Variants in NRAP observed in about 807,000 individuals in gnomAD.
The protein encoded by NRAP is nebulin-related-anchoring protein.
A neutral mutation model predicts 225.9 loss-of-function variants in NRAP; 189 were observed. That is an observed-to-expected ratio of 0.84 (90% CI 0.74 to 0.94). The LOEUF is 0.94. NRAP is among the 40% of genes least tolerant of loss of function. The pLI, the probability that NRAP is intolerant of heterozygous loss-of-function variation, is 0.00. For synonymous variants in NRAP, 769 were observed against 790.7 expected (o/e 0.97, Z 0.46); for missense variants, 2,176 against 2,168.7 (o/e 1.00, Z -0.07).
intron 18 of NRAP, among the ~76,000 whole-genome samples, chr10:113,630,894 T>C (rs925699400): frequency 6.6e-6 from 1 of 152,218 alleles, no homozygotes; most frequent in African/African-American, 2.4e-5. Flanking sequence ...TGTGTCTTTT[T>C]CCCTATTCAG....
At chr10:113,632,246 G>T (rs187090893) in intron 16 of NRAP, among the ~76,000 whole-genome samples, 1 of 152,156 alleles carries the variant, frequency 6.6e-6, no homozygotes, top group South Asian at 2.1e-4. Flanking sequence ...ACCTCTTGGG[G>T]CCTCAATCTC....
intron 9 of NRAP, 44 bp from the exon 10 acceptor site, chr10:113,647,071 C>CAT: frequency 8.0e-7 from 1 of 1,249,746 alleles, no homozygotes; most frequent in Non-Finnish European, 1.2e-6. Context: ...GCTTCCCTCC[C>CAT]CAGATGGGTG....
chr10:113,641,438 C>G lies in NRAP; in HGVS notation c.1250G>C (p.Arg417Thr). Residue 417 changes from arginine (R) to threonine (T), a missense_variant, in exon 13 of 42, where the codon AGA becomes ACA. Coordinates refer to ENST00000359988, the MANE Select transcript of NRAP (RefSeq NM_198060.4). ...CATACCAACTCCTTCATAGCGGCCT[C>G]TCATGTGGTTCTGGTAGTTTTCTTT... ...KYKENYQNHM[R>T]GRYEGVGMDR... 1 of 1,613,776 alleles carries G rather than the reference C, an allele frequency of 6.2e-7. No individual in the cohort carries two copies. Among genetic ancestry groups the G allele is most frequent in the Non-Finnish European group, 8.5e-7 (1 of 1,179,710 alleles).
At chr10:113,612,188 T>C (rs1463842008) in intron 30 of NRAP, 46 bp downstream of exon 30, 2 of 1,515,332 alleles carry the variant, frequency 1.3e-6, no homozygotes, top group Admixed American at 1.7e-5. Context: ...CACCCTGAGG[T>C]CCTAAGAGAA....
chr10:113,630,360 GATGATGGTGATGATGGCAGCA>G lies in NRAP; in HGVS notation c.1843-596_1843-576del, dbSNP rs555321642. On this transcript the variant is annotated intron_variant, in intron 18 of 41. Transcript: ENST00000359988. Reference sequence around the variant, plus strand: ...TGATAGTGGTGGTGGTGATGGTAGTGATGATGGTGATGATGGCAGCAATGATGGTGATTGATGATGGTGATG... The same window carrying G: ...TGATAGTGGTGGTGGTGATGGTAGTGATGATGGTGATTGATGATGGTGATG... Among the ~76,000 whole-genome samples the G allele has an allele frequency of 1.5e-4, 23 of 152,328 alleles. No homozygotes were observed. The East Asian group carries it at 1.9e-3, about 13-fold the overall frequency.
At chr10:113,646,184 A>G (rs1849496182) in intron 10 of NRAP, among the ~76,000 whole-genome samples, 1 of 151,838 alleles carries the variant, frequency 6.6e-6, no homozygotes, top group African/African-American at 2.4e-5. Context: ...TCTGCGTGGG[A>G]AAAAAAAGTC....
At position 113,650,442 on chromosome 10, in the gene NRAP, C is replaced by T. The variant is rs767262063; in HGVS notation, c.779G>A (p.Ser260Asn). 6.2e-7 allele frequency: 1 copy of T among 1,609,518 alleles called. No individual in the cohort carries two copies. ...CACATTGTCAAGGACACTTACATCA[C>T]TTGCCAGCTCATTGGCTCTTTTGGC... is the stretch of plus-strand genomic sequence containing the variant. The part of the protein sequence containing the change: ...QIAKRANELA[S>N]DVRYHQQYQK... The change falls in exon 8 of 42, where the codon AGT (serine) becomes AAT (asparagine). Residue 260 changes from serine (S) to asparagine (N), a missense_variant. Transcript: ENST00000359988.
chr10:113,634,263 G>T lies in NRAP; in HGVS notation c.1429-53C>A, dbSNP rs1216736006. On this transcript the variant is annotated intron_variant, in intron 14 of 41. Transcript: ENST00000359988. ...TCATTTGCTCTTTTCTCAAAGATTT[G>T]CTTAGCTCCCTCTCCCAAGCCCAAT... The T allele has an allele frequency of 4.6e-6, 6 of 1,295,008 alleles. No individual in the cohort carries two copies. In the Admixed American group the frequency reaches 6.7e-5, roughly 15 times the overall value. 80.2% of individuals were successfully genotyped at this position (1,295,008 alleles called of 1,614,324 possible). A position where few individuals can be genotyped will look rare whatever the true frequency, so the allele number is the denominator to read the frequency against.
At position 113,622,032 on chromosome 10, in the gene NRAP, G is replaced by A. The variant is rs1431606310; in HGVS notation, c.2606C>T (p.Ser869Phe). 3.1e-6 allele frequency: 5 copies of A among 1,614,238 alleles called. No individual in the cohort carries two copies. The highest frequency in any genetic ancestry group is 1.1e-5 in the South Asian group (1 of 91,086). ...CATGTCCAGGGAGACGTGGCATTGG[G>A]ATTTGGTGTCCTCGAATCCCTTCTT... The part of the protein sequence containing the change: ...EYKKGFEDTK[S>F]QCHVSLDMVH... The change falls in exon 24 of 42, where the codon TCC (serine) becomes TTC (phenylalanine). Residue 869 changes from serine to phenylalanine, a missense_variant. Ser to Phe is a radical substitution (Grantham distance 155). Transcript: ENST00000359988.
At chr10:113,610,790 TC>T (rs2133926312) in intron 30 of NRAP, among the ~76,000 whole-genome samples, 1 of 152,332 alleles carries the variant, frequency 6.6e-6, no homozygotes, top group East Asian at 1.9e-4. Flanking sequence ...AATTCTGCTG[TC>T]ACTTGTCTCA....
chr10:113,616,311 A>G (rs546524069), intron 26 of NRAP, among the ~76,000 whole-genome samples: 1 of 152,274 alleles, frequency 6.6e-6, no homozygotes, highest in African/African-American at 2.4e-5. Flanking sequence ...ACTCTGACCC[A>G]AGCTTCGGAT....
At chr10:113,653,991 A>G in intron 5 of NRAP, 30 bp downstream of exon 5, 2 of 1,368,786 alleles carry the variant, frequency 1.5e-6, no homozygotes, top group Non-Finnish European at 2.1e-6. Flanking sequence ...TTGCTAAACC[A>G]ATTCCTAAAG....
At chr10:113,614,386 CT>C in intron 28 of NRAP, 90 bp from the exon 29 acceptor site, 1 of 922,708 alleles carries the variant, frequency 1.1e-6, no homozygotes, top group Non-Finnish European at 1.8e-6. Flanking sequence ...ATGTTTTGTT[CT>C]TTTGACAGTA....
chr10:113,607,950 G>C (rs1847096069), intron 32 of NRAP, among the ~76,000 whole-genome samples: 2 of 152,180 alleles, frequency 1.3e-5, no homozygotes, highest in African/African-American at 4.8e-5. Context: ...TGAGAAGCCT[G>C]ACAAACATCT....
chr10:113,637,826 G>A (rs150379702), intron 14 of NRAP, among the ~76,000 whole-genome samples: 2,033 of 152,136 alleles, frequency 0.013, 21 homozygotes, highest in Non-Finnish European at 0.021. Flanking sequence ...GGAGGCTGAG[G>A]CAGGAGAATT....
At position 113,645,988 on chromosome 10, in the gene NRAP, T is replaced by C. The variant is rs557318485; in HGVS notation, c.994-47A>G. 30 of 967,448 alleles carry C rather than the reference T, an allele frequency of 3.1e-5. No homozygotes were observed. In the East Asian group the frequency reaches 6.9e-4, roughly 22 times the overall value. The allele number at this position is 967,448 out of a possible 1,614,324, so 59.9% of individuals were successfully genotyped here. On this transcript the variant is annotated intron_variant, in intron 10 of 41. Transcript: ENST00000359988. ...GGGGCTGGAGTTGATGTTTCCATGC[T>C]CTGGGAGGGGAATTACTCCAAAGTT...
chr10:113,661,749 C>T (rs576218357), intron 3 of NRAP, among the ~76,000 whole-genome samples: 10 of 152,304 alleles, frequency 6.6e-5, no homozygotes, highest in South Asian at 2.1e-4. Context: ...CAACCCCACA[C>T]GTCCTAAACT....
chr10:113,633,499 G>A lies in NRAP; in HGVS notation c.1528-311C>T, dbSNP rs577566876. Among the ~76,000 whole-genome samples, 482 of 152,238 alleles carry A rather than the reference G, an allele frequency of 3.2e-3. 3 individuals are homozygous for A. Among genetic ancestry groups the A allele is most frequent in the Non-Finnish European group, 5.0e-3 (340 of 68,018 alleles). On this transcript the variant is annotated intron_variant, in intron 15 of 41. Coordinates refer to ENST00000359988, the MANE Select transcript of NRAP (RefSeq NM_198060.4). ...TTTAAAAAACATTTGCTGCAGTGCT[G>A]AATATCTTGTTATAGGCAGGGTAAT...
At chr10:113,649,437 C>T (rs566980688) in intron 9 of NRAP, among the ~76,000 whole-genome samples, 1 of 152,300 alleles carries the variant, frequency 6.6e-6, no homozygotes, top group African/African-American at 2.4e-5. Flanking sequence ...CCTTTCTACC[C>T]TACAACACCT....
Sources: allele counts gnomAD v4.1 joint callset (sites outside exome capture counted in the v4.1 genomes callset), GRCh38; gene constraint gnomAD v4.1.1; transcripts MANE v1.5; gene names NCBI Gene and HGNC (gene_info 2026-07-23, HGNC 2026-07-21).